The following CSMD1 variants were observed in gnomAD, a reference collection of about 807,000 sequenced individuals.
CSMD1 encodes the protein CUB and Sushi multiple domains 1.
Under a neutral mutation model 417.5 loss-of-function variants are expected in CSMD1, and 213 were observed. That is an observed-to-expected ratio of 0.51 (90% CI 0.46 to 0.57). The LOEUF is 0.57. Ranked by LOEUF, CSMD1 falls within the 20% of genes least tolerant of loss-of-function variation. CSMD1 has a pLI of 0.00. For synonymous variants in CSMD1, 2,862 were observed against 1,736.8 expected, an observed-to-expected ratio of 1.65 and a Z score of -16.11; for missense variants, 6,923 against 4,529.7, an observed-to-expected ratio of 1.53 and a Z score of -15.17.
intron 1 of CSMD1, among the ~76,000 whole-genome samples, chr8:4,963,691 G>C (rs1212999002): frequency 6.6e-6 from 1 of 152,122 alleles, no homozygotes; most frequent in Admixed American, 6.5e-5. Context: ...TGTAGACACA[G>C]GTGTCTAAAA....
At chr8:3,689,893 G>C (rs1396379823) in intron 7 of CSMD1, among the ~76,000 whole-genome samples, 4 of 152,176 alleles carry the variant, frequency 2.6e-5, no homozygotes, top group Admixed American at 2.0e-4. Context: ...TAGGGATATT[G>C]ATTCAAATTA....
At chr8:3,040,816 T>C (rs1585208842) in intron 50 of CSMD1, among the ~76,000 whole-genome samples, 1 of 152,146 alleles carries the variant, frequency 6.6e-6, no homozygotes, top group East Asian at 1.9e-4. Context: ...ATAATAATAA[T>C]AAGATTATAA....
chr8:3,017,641 G>T (rs1350190674), intron 52 of CSMD1, among the ~76,000 whole-genome samples: 1 of 151,744 alleles, frequency 6.6e-6, no homozygotes, highest in African/African-American at 2.4e-5. Flanking sequence ...TTTTCTCTAG[G>T]GTTACTACTG....
chr8:4,257,483 T>C (rs1803543900), intron 3 of CSMD1, among the ~76,000 whole-genome samples: 1 of 152,208 alleles, frequency 6.6e-6, no homozygotes, highest in Admixed American at 6.5e-5. Flanking sequence ...ATGCATATAT[T>C]TCTATTAATT....
chr8:4,313,346 TA>T (rs1278069063), intron 3 of CSMD1, among the ~76,000 whole-genome samples: 2 of 137,496 alleles, frequency 1.5e-5, no homozygotes, highest in East Asian at 4.0e-4. Flanking sequence ...ATCATGGGGG[TA>T]GCAGACCATC....
chr8:3,615,678 C>T (rs921959312), intron 8 of CSMD1, among the ~76,000 whole-genome samples: 2 of 152,092 alleles, frequency 1.3e-5, no homozygotes, highest in Admixed American at 6.6e-5. Flanking sequence ...AAAAACATTC[C>T]TTCTTTCCTC....
In CSMD1 at chr8:4,024,632, G is replaced by C. The variant is rs141022933; in HGVS notation, c.610+7273C>G. On this transcript the variant is annotated intron_variant, in intron 4 of 69. Transcript: ENST00000635120. ...TTAAGGTTCTTTGAGGTACAAGCAG[G>C]ATCTTGCATTTATGGGCCTCAGCAT... 2.0e-5 allele frequency among the ~76,000 whole-genome samples: 3 copies of C among 152,232 alleles called. No individual in the cohort carries two copies. In the East Asian group the frequency reaches 5.8e-4, roughly 29 times the overall value.
At chr8:4,704,226 G>C (rs557456945) in intron 1 of CSMD1, among the ~76,000 whole-genome samples, 2 of 152,186 alleles carry the variant, frequency 1.3e-5, no homozygotes, top group African/African-American at 2.4e-5. Context: ...TGTCATTTAA[G>C]TCATTTGCAT....
chr8:4,614,154 A>G (rs955331566), intron 2 of CSMD1, among the ~76,000 whole-genome samples: 1 of 152,156 alleles, frequency 6.6e-6, no homozygotes, highest in African/African-American at 2.4e-5. Context: ...GATAATAATA[A>G]TAATAATAGT....
intron 1 of CSMD1, among the ~76,000 whole-genome samples, chr8:4,953,323 T>G (rs1039536303): frequency 6.6e-6 from 1 of 152,178 alleles, no homozygotes; most frequent in Non-Finnish European, 1.5e-5. Context: ...ACAATTGAAC[T>G]TGTTGTAACT....
At chr8:4,619,018 C>T (rs1170813927) in intron 2 of CSMD1, among the ~76,000 whole-genome samples, 1 of 152,132 alleles carries the variant, frequency 6.6e-6, no homozygotes, top group Admixed American at 6.6e-5. Context: ...AATTCTATTT[C>T]AAAAATAATT....
chr8:4,119,566 C>G (rs1481717263), intron 3 of CSMD1, among the ~76,000 whole-genome samples: 2 of 140,616 alleles, frequency 1.4e-5, no homozygotes, highest in East Asian at 2.1e-4. Flanking sequence ...AGGGTGTAGA[C>G]CAGAGGATAA....
chr8:4,185,864 T>C (rs1359392854), intron 3 of CSMD1, among the ~76,000 whole-genome samples: 1 of 152,184 alleles, frequency 6.6e-6, no homozygotes, highest in Non-Finnish European at 1.5e-5. Context: ...ACCGTTCTTG[T>C]AGGCCTGAGT....
intron 2 of CSMD1, among the ~76,000 whole-genome samples, chr8:4,477,126 C>T (rs1208816301): frequency 6.6e-6 from 1 of 152,310 alleles, no homozygotes; most frequent in Non-Finnish European, 1.5e-5. Flanking sequence ...TCTTAAGAGT[C>T]ACAGTTTATC....
chr8:4,251,962 C>A (rs1487162587), intron 3 of CSMD1, among the ~76,000 whole-genome samples: 1 of 151,424 alleles, frequency 6.6e-6, no homozygotes, highest in East Asian at 1.9e-4. Flanking sequence ...GAAAGATGTT[C>A]AATGGAGGTA....
chr8:3,715,652 C>T (rs553337710), intron 6 of CSMD1, among the ~76,000 whole-genome samples: 1 of 152,310 alleles, frequency 6.6e-6, no homozygotes, highest in South Asian at 2.1e-4. Flanking sequence ...AAGTGATTCT[C>T]CTGCCTTGGC....
At chr8:4,810,125 G>T (rs929911545) in intron 1 of CSMD1, among the ~76,000 whole-genome samples, 1 of 152,138 alleles carries the variant, frequency 6.6e-6, no homozygotes, top group Non-Finnish European at 1.5e-5. Flanking sequence ...CCTTAGTTAA[G>T]GATTTAAGCC....
intron 12 of CSMD1, among the ~76,000 whole-genome samples, chr8:3,411,972 A>ATGTATACGTG (rs1812792786): frequency 3.8e-4 from 2 of 5,306 alleles, no homozygotes; most frequent in Non-Finnish European, 7.7e-4. Flanking sequence ...ATATGCACGT[A>ATGTATACGTG]TATATACACG....
chr8:4,553,236 C>A (rs1460848146), intron 2 of CSMD1, among the ~76,000 whole-genome samples: 2 of 152,190 alleles, frequency 1.3e-5, no homozygotes, highest in Non-Finnish European at 1.5e-5. Context: ...TCTGGACAGT[C>A]TGCAACCATC....
Sources: allele counts gnomAD v4.1 joint callset (sites outside exome capture counted in the v4.1 genomes callset), GRCh38; gene constraint gnomAD v4.1.1; transcripts MANE v1.5; gene names NCBI Gene and HGNC (gene_info 2026-07-23, HGNC 2026-07-21).